The following FMN1 variants were observed in gnomAD, a reference collection of about 807,000 sequenced individuals.
FMN1 encodes formin 1.
A neutral mutation model predicts 132.4 loss-of-function variants in FMN1; 110 were observed. The ratio of observed to expected loss-of-function variants is 0.83; its 90% CI spans 0.71 to 0.97. FMN1 has a LOEUF of 0.97. FMN1 is among the 50% of genes least tolerant of loss of function. The pLI is 0.00. For synonymous variants in FMN1, 722 were observed against 651.7 expected, an observed-to-expected ratio of 1.11 and a Z score of -1.64; for missense variants, 1,792 against 1,705.3, an observed-to-expected ratio of 1.05 and a Z score of -0.90.
At chr15:33,096,969 A>G (rs1006809484) in intron 4 of FMN1, among the ~76,000 whole-genome samples, 3 of 152,052 alleles carry the variant, frequency 2.0e-5, no homozygotes, top group Non-Finnish European at 2.9e-5. Flanking sequence ...GGGCTCTGGT[A>G]ATTTTTTTCA....
chr15:32,801,636 CA>C (rs896122849), intron 18 of FMN1, among the ~76,000 whole-genome samples: 6 of 145,676 alleles, frequency 4.1e-5, no homozygotes, highest in East Asian at 1.9e-4. Flanking sequence ...AACAAACAAA[CA>C]AAAAAAAATT....
At chr15:32,946,530 T>C (rs145054824) in intron 9 of FMN1, among the ~76,000 whole-genome samples, 10 of 152,328 alleles carry the variant, frequency 6.6e-5, no homozygotes, top group Non-Finnish European at 5.9e-5. Flanking sequence ...AACAAGGGAA[T>C]AGCCTTTAAG....
chr15:33,160,147 T>C (rs1224506241), intron 3 of FMN1, among the ~76,000 whole-genome samples: 2 of 152,078 alleles, frequency 1.3e-5, no homozygotes, highest in African/African-American at 4.8e-5. Flanking sequence ...GCCTGTGGAT[T>C]GTGGATCTGA....
intron 2 of FMN1, among the ~76,000 whole-genome samples, chr15:33,188,800 A>G (rs1176993749): frequency 6.6e-6 from 1 of 152,194 alleles, no homozygotes; most frequent in Non-Finnish European, 1.5e-5. Flanking sequence ...GATGTAATGA[A>G]CAAAGCCCAG....
chr15:33,166,492 T>C (rs555330152), intron 3 of FMN1, among the ~76,000 whole-genome samples: 1 of 152,194 alleles, frequency 6.6e-6, no homozygotes, highest in South Asian at 2.1e-4. Context: ...AGCCACTACT[T>C]TGTAAAGATT....
At chr15:33,172,047 A>C (rs1595597756) in intron 3 of FMN1, among the ~76,000 whole-genome samples, 1 of 152,236 alleles carries the variant, frequency 6.6e-6, no homozygotes, top group East Asian at 1.9e-4. Context: ...GTCTCTACTA[A>C]AAATACAAAA....
chr15:32,895,372 C>A (rs1355896853), intron 15 of FMN1, among the ~76,000 whole-genome samples: 45 of 149,200 alleles, frequency 3.0e-4, no homozygotes, highest in Middle Eastern at 3.5e-3. Flanking sequence ...AAAAAAAAAA[C>A]AAAAACACAA....
chr15:32,993,960 C>T (rs1596418620), intron 7 of FMN1, among the ~76,000 whole-genome samples: 1 of 151,876 alleles, frequency 6.6e-6, no homozygotes, highest in African/African-American at 2.4e-5. Context: ...ACATATTCCT[C>T]TGCTCAGAAT....
chr15:32,984,978 C>CAAAAAAAAAAAAAAAAAAA (rs11330959), intron 7 of FMN1, among the ~76,000 whole-genome samples: 64 of 97,236 alleles, frequency 6.6e-4, no homozygotes, highest in African/African-American at 1.7e-3. Context: ...CATCCATCAC[C>CAAAAAAAAAAAAAAAAAAA]AAAAAAAAAA....
intron 9 of FMN1, among the ~76,000 whole-genome samples, chr15:32,928,483 T>C (rs1171460237): frequency 6.6e-6 from 1 of 152,172 alleles, no homozygotes; most frequent in Non-Finnish European, 1.5e-5. Context: ...AAAAAATATT[T>C]ACTGTACACG....
chr15:33,139,993 C>T (rs536916217), intron 4 of FMN1, among the ~76,000 whole-genome samples: 1 of 152,032 alleles, frequency 6.6e-6, no homozygotes, highest in East Asian at 1.9e-4. Context: ...TTTAAATTTC[C>T]TGAGGGAGAG....
At position 32,772,580 on chromosome 15, in the gene FMN1, GTTCC is replaced by G. The variant is rs773098344; in HGVS notation, c.*1726_*1729del. The G allele has an allele frequency of 6.6e-6, 1 of 152,228 alleles. No homozygotes were observed. Among genetic ancestry groups the G allele is most frequent in the Non-Finnish European group, 1.5e-5 (1 of 68,046 alleles). The allele number at this position is 152,228 out of a possible 1,614,324, so 9.4% of individuals were successfully genotyped here. Reference sequence around the variant, plus strand: ...ACTTCAAGCCTTTTTAGTCATGCATGTTCCTTCTCGGCTTTTCTGTTTTGCTTGT... The same window carrying G: ...ACTTCAAGCCTTTTTAGTCATGCATGTTCTCGGCTTTTCTGTTTTGCTTGT... On this transcript the variant is annotated 3_prime_UTR_variant, in exon 21 of 21. Coordinates refer to ENST00000616417, the MANE Select transcript of FMN1 (RefSeq NM_001277313.2).
chr15:32,908,342 T>C, intron 12 of FMN1, 148 bp downstream of exon 12: 1 of 590,330 alleles, frequency 1.7e-6, no homozygotes, highest in Non-Finnish European at 3.0e-6. Flanking sequence ...AGCAGGGTCA[T>C]CCTGCTGCAT....
intron 6 of FMN1, chr15:33,063,439 C>CA (rs2037574410): frequency 6.6e-6 from 1 of 152,340 alleles, no homozygotes; most frequent in Non-Finnish European, 1.5e-5. Context: ...CTTGCCCCTT[C>CA]AGGCTTGGGT....
At chr15:32,959,809 T>C (rs777542974) in intron 9 of FMN1, among the ~76,000 whole-genome samples, 1 of 152,232 alleles carries the variant, frequency 6.6e-6, no homozygotes, top group Non-Finnish European at 1.5e-5. Flanking sequence ...CAGAAGTGAA[T>C]AGTTCTATGA....
At chr15:32,908,616 A>T in intron 11 of FMN1, 38 bp from the exon 12 acceptor site, 1 of 1,318,482 alleles carries the variant, frequency 7.6e-7, no homozygotes, top group South Asian at 1.3e-5. Context: ...AAAAAAAAAA[A>T]AAAAAAAGGG....
intron 6 of FMN1, among the ~76,000 whole-genome samples, chr15:33,044,983 C>T (rs1415604089): frequency 3.3e-5 from 5 of 152,188 alleles, no homozygotes; most frequent in Non-Finnish European, 5.9e-5. Flanking sequence ...CCTTGCTTGC[C>T]ACATTGTGGG....
intron 9 of FMN1, among the ~76,000 whole-genome samples, chr15:32,952,639 G>A (rs773465752): frequency 1.3e-5 from 2 of 152,196 alleles, no homozygotes; most frequent in Non-Finnish European, 2.9e-5. Context: ...AAAAAGTGAT[G>A]TGATAATTAG....
Position 32,898,913 on chromosome 15 carries a change from G to C in FMN1, c.3655-20C>G, listed in dbSNP as rs183664368. On this transcript the variant is annotated intron_variant, in intron 14 of 20. Coordinates refer to ENST00000616417, the MANE Select transcript of FMN1 (RefSeq NM_001277313.2). ...ATTATCCTAGGTTTAAAAGAGAAAT[G>C]TACATGAAAATCATTCCCATGAGAC... The C allele has an allele frequency of 3.3e-6, 5 of 1,521,150 alleles. No individual in the cohort carries two copies. In the African/African-American group the frequency reaches 5.5e-5, roughly 17 times the overall value. 94.2% of individuals were successfully genotyped at this position (1,521,150 alleles called of 1,614,324 possible).
Sources: gnomAD v4.1 joint callset for allele counts (sites outside exome capture counted in the v4.1 genomes callset) on GRCh38, gnomAD v4.1.1 for gene constraint, MANE v1.5 for transcripts, NCBI Gene and HGNC (gene_info 2026-07-23, HGNC 2026-07-21) for gene names.